The following ATP13A5 variants were observed in gnomAD, a reference collection of about 807,000 sequenced individuals.
ATP13A5 encodes the protein probable cation-transporting ATPase 13A5.
In ATP13A5, 149 loss-of-function variants were observed where a neutral mutation model predicts 150.2. The observed-to-expected ratio is 0.99, with a 90% CI of 0.87 to 1.14. The LOEUF (loss-of-function observed/expected upper bound fraction) is 1.14. Among genes scored for constraint, ATP13A5 ranks in the 50% most tolerant of loss-of-function variants. The pLI is 0.00. For missense variants in ATP13A5, 1,383 were observed against 1,449.3 expected, an observed-to-expected ratio of 0.95 and a Z score of 0.74; for synonymous variants, 497 against 522.2, an observed-to-expected ratio of 0.95 and a Z score of 0.66.
chr3:193,290,031 C>T lies in ATP13A5; in HGVS notation c.2877G>A (p.Leu959=). The change falls in exon 26 of 30, where the codon CTG becomes CTA. Residue 959 remains leucine (L), a synonymous_variant. Transcript: ENST00000342358. ...TMSSTHAYPK[L]APYRPAGQLL... is the part of the protein sequence containing the mutation. ...GCTGTCCTGCTGGTCTATATGGAGCCAGCTTTGGGTAGGCATGAGTTGAAC... is the reference window on the plus strand; with the variant it reads ...GCTGTCCTGCTGGTCTATATGGAGCTAGCTTTGGGTAGGCATGAGTTGAAC... 6.2e-7 allele frequency: 1 copy of T among 1,610,226 alleles called. No individual in the cohort carries two copies. Among genetic ancestry groups the T allele is most frequent in the Non-Finnish European group, 8.5e-7 (1 of 1,178,490 alleles).
chr3:193,328,282 T>C (rs1461569639), intron 12 of ATP13A5, among the ~76,000 whole-genome samples: 2 of 152,214 alleles, frequency 1.3e-5, no homozygotes, highest in African/African-American at 2.4e-5. Context: ...GAAAACTTTG[T>C]TTCATTCATT....
Position 193,284,907 on chromosome 3 carries a change from T to G in ATP13A5, c.3226+7A>C. On this transcript the variant is annotated splice_region_variant and intron_variant, in intron 27 of 29. Coordinates refer to ENST00000342358, the MANE Select transcript of ATP13A5 (RefSeq NM_198505.4). ...TCAGAAAGAAAAATTAAACTTTATATACTTACAGTTTGTATAGATGGGTTT... is the reference window on the plus strand; with the variant it reads ...TCAGAAAGAAAAATTAAACTTTATAGACTTACAGTTTGTATAGATGGGTTT... 1 of 1,603,874 alleles carries G rather than the reference T, an allele frequency of 6.2e-7. No homozygotes were observed. The highest frequency in any genetic ancestry group is 8.5e-7 in the Non-Finnish European group (1 of 1,173,580).
chr3:193,325,969 C>T (rs1011818364), intron 13 of ATP13A5, among the ~76,000 whole-genome samples: 8 of 152,104 alleles, frequency 5.3e-5, no homozygotes, highest in East Asian at 1.9e-4. Flanking sequence ...AAGGGCTGGC[C>T]GGGACATCTG....
chr3:193,364,534 T>C (rs1713169155), intron 1 of ATP13A5, among the ~76,000 whole-genome samples: 1 of 152,196 alleles, frequency 6.6e-6, no homozygotes, highest in South Asian at 2.1e-4. Context: ...TTTATTTGCT[T>C]CTATATATTC....
At chr3:193,291,220 C>T (rs1717940859) in intron 25 of ATP13A5, among the ~76,000 whole-genome samples, 1 of 152,060 alleles carries the variant, frequency 6.6e-6, no homozygotes, top group Non-Finnish European at 1.5e-5. Context: ...TATTCTAAAG[C>T]TCTATGACTA....
chr3:193,315,244 A>G, intron 17 of ATP13A5, 148 bp from the exon 18 acceptor site: 3 of 833,532 alleles, frequency 3.6e-6, no homozygotes, highest in Non-Finnish European at 5.3e-6. Flanking sequence ...CTTATAATGA[A>G]AACCAGTAGT....
At chr3:193,282,588 G>A (rs903073388) in intron 27 of ATP13A5, among the ~76,000 whole-genome samples, 3 of 152,146 alleles carry the variant, frequency 2.0e-5, no homozygotes, top group African/African-American at 7.2e-5. Context: ...TGTTGGCCAG[G>A]CTGGTATTGA....
At chr3:193,305,454 C>T (rs1577337906) in intron 23 of ATP13A5, 105 bp downstream of exon 23, 8 of 919,526 alleles carry the variant, frequency 8.7e-6, no homozygotes, top group Non-Finnish European at 3.6e-6. Flanking sequence ...TTCACCCATT[C>T]CTCTGTTGCA....
chr3:193,336,514 G>T (rs562836023), intron 9 of ATP13A5, among the ~76,000 whole-genome samples: 4 of 152,230 alleles, frequency 2.6e-5, no homozygotes, highest in Admixed American at 2.6e-4. Context: ...TGAGATAGTT[G>T]CTGAGAATGA....
intron 7 of ATP13A5, 85 bp downstream of exon 7, chr3:193,350,982 A>C: frequency 1.3e-6 from 2 of 1,489,030 alleles, no homozygotes; most frequent in Non-Finnish European, 1.8e-6. Context: ...TGACAAAGCA[A>C]CTCCTGGCTC....
chr3:193,306,223 T>G lies in ATP13A5; in HGVS notation c.2569-555A>C, dbSNP rs552622683. ...GTTTAATAAATAATAGGACATTTTCTTCTTCCTCTTTGATCTCTAGTTCGT... is the reference window on the plus strand; with the variant it reads ...GTTTAATAAATAATAGGACATTTTCGTCTTCCTCTTTGATCTCTAGTTCGT... On this transcript the variant is annotated intron_variant, in intron 22 of 29. Coordinates refer to ENST00000342358, the MANE Select transcript of ATP13A5 (RefSeq NM_198505.4). Among the ~76,000 whole-genome samples the G allele has an allele frequency of 3.3e-5, 5 of 151,764 alleles. No homozygotes were observed. In the South Asian group the frequency reaches 1.1e-3, roughly 32 times the overall value.
At chr3:193,304,574 A>G (rs1374510291) in intron 23 of ATP13A5, among the ~76,000 whole-genome samples, 1 of 152,208 alleles carries the variant, frequency 6.6e-6, no homozygotes, top group Non-Finnish European at 1.5e-5. Context: ...GAAATTATCC[A>G]TAAGTGCTAT....
intron 27 of ATP13A5, among the ~76,000 whole-genome samples, chr3:193,282,336 T>G (rs959790335): frequency 6.6e-6 from 1 of 152,190 alleles, no homozygotes; most frequent in Admixed American, 6.5e-5. Context: ...AATGGGAAAG[T>G]CATTCACAAT....
intron 17 of ATP13A5, among the ~76,000 whole-genome samples, chr3:193,315,801 A>C (rs1352170314): frequency 6.6e-6 from 1 of 152,160 alleles, no homozygotes; most frequent in Non-Finnish European, 1.5e-5. Context: ...GCAGCTGTGA[A>C]GCCATTACCA....
chr3:193,363,079 A>G (rs377371661), intron 3 of ATP13A5, among the ~76,000 whole-genome samples, 157 bp downstream of exon 3: 2 of 152,322 alleles, frequency 1.3e-5, no homozygotes, highest in Non-Finnish European at 2.9e-5. Flanking sequence ...CCGGGATTAC[A>G]GACGTGAACG....
rs139354114 is a variant in ATP13A5, at chr3:193,334,950, G to A, written c.1093C>T (p.Arg365Ter). 2.2e-4 allele frequency: 349 copies of A among 1,613,534 alleles called. 2 individuals carry two copies. The Admixed American group carries it at 2.7e-3, about 12-fold the overall frequency. The change falls in exon 10 of 30, where the codon CGA becomes TGA. Residue 365 changes from arginine to a stop codon, truncating the protein, a stop_gained. Coordinates refer to ENST00000342358, the MANE Select transcript of ATP13A5 (RefSeq NM_198505.4). LOFTEE classifies it high-confidence loss of function. ...TAACCTGTTTGCAAAACGACTGCTC[G>A]TACAGGCCCCTGCCCAGAGGGCTTG... is the stretch of plus-strand genomic sequence containing the variant. ...QVKPSGQGPV[R>*]AVVLQTGYNT...
At chr3:193,358,291 A>G (rs1422233898) in intron 5 of ATP13A5, among the ~76,000 whole-genome samples, 1 of 152,168 alleles carries the variant, frequency 6.6e-6, no homozygotes, top group African/African-American at 2.4e-5. Flanking sequence ...GAAAGTTCCC[A>G]TGTGATTCTG....
chr3:193,378,697 C>T lies in ATP13A5; in HGVS notation c.29G>A (p.Arg10Gln), dbSNP rs770361847. ...CTCCTCTCCCTGGTTGAGCAAAGCCCGATGGTCCTTCTTACTGTTCTCTTC... is the reference window on the plus strand; with the variant it reads ...CTCCTCTCCCTGGTTGAGCAAAGCCTGATGGTCCTTCTTACTGTTCTCTTC... MEENSKKDH[R>Q]ALLNQGEEDE... The change falls in exon 1 of 30, where the codon CGG (arginine) becomes CAG (glutamine). Residue 10 changes from arginine to glutamine, a missense_variant. By Grantham distance (43) the Arg-to-Gln change is conservative. Transcript: ENST00000342358. 4.0e-5 allele frequency: 65 copies of T among 1,613,810 alleles called. No individual in the cohort carries two copies. Among genetic ancestry groups the T allele is most frequent in the African/African-American group, 2.7e-5 (2 of 74,918 alleles).
rs915063978 is a variant in ATP13A5 at position 193,327,036 on chromosome 3, C to T, written c.1483G>A (p.Gly495Arg). Residue 495 changes from glycine to arginine, a missense_variant, in exon 13 of 30, where the codon GGG becomes AGG. By Grantham distance (125) the Gly-to-Arg change is moderately radical. Transcript: ENST00000342358. Reference sequence around the variant, plus strand: ...GGGACAGTCCCCCAGAGGTCCAGCCCATCTTCAGTGAGAGTGCCAGTCTGA... The same window carrying T: ...GGGACAGTCCCCCAGAGGTCCAGCCTATCTTCAGTGAGAGTGCCAGTCTGA... Reference protein sequence around the residue: ...FDKTGTLTEDGLDLWGTVPTA... With the variant: ...FDKTGTLTEDRLDLWGTVPTA... 5.0e-6 allele frequency: 8 copies of T among 1,610,556 alleles called. No individual in the cohort carries two copies. In the African/African-American group the frequency reaches 9.4e-5, roughly 19 times the overall value.
Sources: allele counts gnomAD v4.1 joint callset (sites outside exome capture counted in the v4.1 genomes callset), GRCh38; gene constraint gnomAD v4.1.1; transcripts MANE v1.5; gene names NCBI Gene and HGNC (gene_info 2026-07-23, HGNC 2026-07-21).